The following COL4A3 variants were observed in gnomAD, a reference collection of about 807,000 sequenced individuals.
COL4A3 encodes the protein collagen alpha-3(IV) chain.
COL4A3 carries 135 observed loss-of-function variants against 217.4 expected under a neutral mutation model. The observed-to-expected ratio is 0.62, with a 90% confidence interval of 0.54 to 0.72. The LOEUF is 0.72. COL4A3 is among the 30% of genes least tolerant of loss of function. COL4A3 has a pLI of 0.00. For missense variants in COL4A3, 1,868 were observed against 2,119.9 expected (o/e 0.88, Z 2.33); for synonymous variants, 690 against 736.3 (o/e 0.94, Z 1.02).
chr2:227,272,845 A>G (rs2071322764), intron 25 of COL4A3, 104 bp from the exon 26 acceptor site: 1 of 1,206,958 alleles, frequency 8.3e-7, no homozygotes, highest in African/African-American at 1.5e-5. Context: ...TTAATTCAAG[A>G]TCTCAATGAC....
intron 1 of COL4A3, among the ~76,000 whole-genome samples, chr2:227,190,987 T>C (rs896363032): frequency 6.6e-6 from 1 of 152,210 alleles, no homozygotes; most frequent in African/African-American, 2.4e-5. Context: ...ATCATTAATG[T>C]TTTTAGCATC....
chr2:227,274,994 A>G (rs2071471061), intron 26 of COL4A3, among the ~76,000 whole-genome samples: 1 of 152,260 alleles, frequency 6.6e-6, no homozygotes, highest in South Asian at 2.1e-4. Flanking sequence ...ATCCATAAAT[A>G]AAGTTTCTTG....
chr2:227,210,381 A>AGT (rs2067266150), intron 1 of COL4A3, among the ~76,000 whole-genome samples: 1 of 152,200 alleles, frequency 6.6e-6, no homozygotes, highest in Non-Finnish European at 1.5e-5. Context: ...ACCTGAGGTC[A>AGT]GAAGTTCAAG....
chr2:227,199,833 AAC>A (rs112974012), intron 1 of COL4A3, among the ~76,000 whole-genome samples: 21,780 of 152,142 alleles, frequency 0.14, 1,685 homozygotes, highest in Non-Finnish European at 0.16. Context: ...AAAATGTAAA[AAC>A]AAACAAACAA....
At position 227,238,052 on chromosome 2, in the gene COL4A3, T is replaced by C. The variant is rs780269780; in HGVS notation, c.144+28T>C. Reference sequence around the variant, plus strand: ...AAAAACAAACCCTAATACTGCTTGTTTACACTGTAAAGCTCTAGAAGGTAA... The same window carrying C: ...AAAAACAAACCCTAATACTGCTTGTCTACACTGTAAAGCTCTAGAAGGTAA... On this transcript the variant is annotated intron_variant, in intron 2 of 51. Coordinates refer to ENST00000396578, the MANE Select transcript of COL4A3 (RefSeq NM_000091.5). 12 of 1,440,550 alleles carry C rather than the reference T, an allele frequency of 8.3e-6. No homozygotes were observed. The East Asian group carries it at 2.5e-4, about 30-fold the overall frequency. 89.2% of individuals were successfully genotyped at this position (1,440,550 alleles called of 1,614,324 possible).
At chr2:227,284,459 T>C (rs1008856391) in intron 34 of COL4A3, 114 bp downstream of exon 34, 2 of 1,201,242 alleles carry the variant, frequency 1.7e-6, no homozygotes, top group African/African-American at 1.5e-5. Context: ...AGTGTTTAGT[T>C]ACCTGCCCAT....
Position 227,253,559 on chromosome 2 carries a change from A to AG in COL4A3, c.689dup. 1 of 1,612,898 alleles carries AG rather than the reference A, an allele frequency of 6.2e-7. No homozygotes were observed. The highest frequency in any genetic ancestry group is 1.1e-5 in the South Asian group (1 of 91,062). On this transcript the variant is annotated splice_acceptor_variant, in intron 12 of 51. Coordinates refer to ENST00000396578, the MANE Select transcript of COL4A3 (RefSeq NM_000091.5). LOFTEE classifies it high-confidence loss of function. The surrounding 1 kb of genome is among the most constrained non-coding windows in gnomAD (Gnocchi z 4.4). ...CTCACTCCTGAGTGTTTTTGTCTTT[A>AG]GGGTGTGAAAGGGTTAACAGGACCC...
intron 1 of COL4A3, among the ~76,000 whole-genome samples, chr2:227,225,195 C>CAAGTTTAGGTG (rs1365207462): frequency 1.3e-5 from 2 of 152,226 alleles, no homozygotes; most frequent in Non-Finnish European, 2.9e-5. Flanking sequence ...TGTGAGCCAC[C>CAAGTTTAGGTG]TGGCCTAAAC....
At chr2:227,275,179 T>C (rs1165741959) in intron 26 of COL4A3, among the ~76,000 whole-genome samples, 1 of 151,974 alleles carries the variant, frequency 6.6e-6, no homozygotes, top group Admixed American at 6.6e-5. Context: ...CTGTTGTTGT[T>C]GTTGTTGTTG....
intron 38 of COL4A3, chr2:227,293,848 T>C (rs1024326266): frequency 4.4e-5 from 20 of 459,634 alleles, no homozygotes; most frequent in Non-Finnish European, 9.0e-5. Flanking sequence ...GTTTTCCAAG[T>C]GTCTGAATCT....
intron 1 of COL4A3, among the ~76,000 whole-genome samples, chr2:227,210,815 C>T (rs2067289896): frequency 1.3e-5 from 2 of 152,242 alleles, no homozygotes; most frequent in African/African-American, 2.4e-5. Flanking sequence ...CCGTGTCTCC[C>T]CATAAATACT....
In COL4A3 at chr2:227,254,580, G is replaced by A. The variant is rs1242874429; in HGVS notation, c.829-76G>A. 8.7e-6 allele frequency: 10 copies of A among 1,155,814 alleles called. No homozygotes were observed. The Admixed American group carries it at 1.7e-4, about 19-fold the overall frequency. 71.6% of individuals were successfully genotyped at this position (1,155,814 alleles called of 1,614,324 possible). Reference sequence around the variant, plus strand: ...TTTTAAATGGCAGAATAACCAAAAGGGACAAATTAATAAAAATCAATGTAA... The same window carrying A: ...TTTTAAATGGCAGAATAACCAAAAGAGACAAATTAATAAAAATCAATGTAA... On this transcript the variant is annotated intron_variant, in intron 14 of 51. Coordinates refer to ENST00000396578, the MANE Select transcript of COL4A3 (RefSeq NM_000091.5).
intron 1 of COL4A3, among the ~76,000 whole-genome samples, chr2:227,185,528 A>T (rs535372761): frequency 6.6e-6 from 1 of 152,380 alleles, no homozygotes; most frequent in Admixed American, 6.5e-5. Context: ...TGACAACTGT[A>T]GGTTTAAGAT....
chr2:227,185,713 G>A (rs1309266078), intron 1 of COL4A3, among the ~76,000 whole-genome samples: 2 of 152,228 alleles, frequency 1.3e-5, no homozygotes, highest in African/African-American at 4.8e-5. Flanking sequence ...AAATTCAGAA[G>A]GAAAGCCTTA....
chr2:227,299,737 T>C (rs550856352), intron 43 of COL4A3, among the ~76,000 whole-genome samples: 2 of 152,300 alleles, frequency 1.3e-5, no homozygotes, highest in East Asian at 3.9e-4. Flanking sequence ...AATCAAAAAA[T>C]CTTCAGAGTT....
intron 26 of COL4A3, 43 bp downstream of exon 26, chr2:227,273,160 GT>G (rs2071346500): frequency 6.2e-7 from 1 of 1,605,414 alleles, no homozygotes; most frequent in Admixed American, 1.7e-5. Context: ...GATGGAGTGG[GT>G]TGATGGTTTC....
At chr2:227,288,941 T>C (rs2072505001) in intron 34 of COL4A3, among the ~76,000 whole-genome samples, 1 of 143,752 alleles carries the variant, frequency 7.0e-6, no homozygotes, top group East Asian at 2.1e-4. Flanking sequence ...TGCCTGGTTT[T>C]TTGTTTTGGG....
chr2:227,239,927 C>G (rs1198574770), intron 2 of COL4A3, among the ~76,000 whole-genome samples: 1 of 152,178 alleles, frequency 6.6e-6, no homozygotes, highest in Non-Finnish European at 1.5e-5. Context: ...CAAGAGCCAC[C>G]ACTTTCAAGC....
At chr2:227,237,740 G>A in intron 1 of COL4A3, 1 of 437,022 alleles carries the variant, frequency 2.3e-6, no homozygotes, top group Non-Finnish European at 4.3e-6. Context: ...TACAAATGAT[G>A]TATTCTTATC....
Sources: allele counts gnomAD v4.1 joint callset (sites outside exome capture counted in the v4.1 genomes callset), GRCh38; gene constraint gnomAD v4.1.1; non-coding constraint Gnocchi (gnomAD v3.1); transcripts MANE v1.5; gene names NCBI Gene and HGNC (gene_info 2026-07-23, HGNC 2026-07-21).